The following DLGAP2 variants were observed in gnomAD, a reference collection of about 807,000 sequenced individuals.
DLGAP2 encodes DLG associated protein 2, also known as disks large-associated protein 2.
Under a neutral mutation model 100.3 loss-of-function variants are expected in DLGAP2, and 26 were observed. The ratio of observed to expected loss-of-function variants is 0.26; its 90% CI spans 0.19 to 0.36. The LOEUF (loss-of-function observed/expected upper bound fraction) is 0.36, where lower values mean the gene tolerates loss of function less well. Among genes scored for constraint, DLGAP2 ranks in the 10% least tolerant of loss-of-function variants. The pLI is 1.00. For missense variants in DLGAP2, 1,858 were observed against 1,453.2 expected (o/e 1.28, Z -4.53); for synonymous variants, 886 against 630.1 (o/e 1.41, Z -6.08).
intron 3 of DLGAP2, among the ~76,000 whole-genome samples, chr8:1,440,138 A>T (rs186612896): frequency 9.2e-5 from 14 of 152,314 alleles, no homozygotes; most frequent in African/African-American, 3.1e-4. Flanking sequence ...CATTTTAAGA[A>T]GAAAAAAAGG....
In DLGAP2 at chr8:1,701,660, A is replaced by G; in HGVS notation, c.*254A>G. The G allele has an allele frequency of 1.9e-6, 1 of 525,100 alleles. No individual in the cohort carries two copies. The highest frequency in any genetic ancestry group is 3.3e-6 in the Non-Finnish European group (1 of 301,222). The allele number at this position is 525,100 out of a possible 1,614,324, so 32.5% of individuals were successfully genotyped here. ...TGGCTCACACTTGGCTCTGAGGGAC[A>G]GGTGTGGCGAGACCTGATTTCTCCT... On this transcript the variant is annotated 3_prime_UTR_variant, in exon 15 of 15. Transcript: ENST00000637795.
At chr8:1,473,693 T>C (rs2108124) in intron 3 of DLGAP2, among the ~76,000 whole-genome samples, 81,655 of 151,548 alleles carry the variant, frequency 0.54, 22,147 homozygotes, top group African/African-American at 0.61. Flanking sequence ...TCCCATAATC[T>C]CCACTGTTGT....
At chr8:1,571,817 T>C (rs1802703616) in intron 6 of DLGAP2, among the ~76,000 whole-genome samples, 1 of 100,938 alleles carries the variant, frequency 9.9e-6, no homozygotes, top group Non-Finnish European at 1.9e-5. Flanking sequence ...TCTGATGAGA[T>C]GGAGAGGAGA....
intron 2 of DLGAP2, among the ~76,000 whole-genome samples, chr8:926,435 G>T (rs1798817636): frequency 6.6e-6 from 1 of 152,186 alleles, no homozygotes; most frequent in Non-Finnish European, 1.5e-5. Flanking sequence ...GGGTCTGTGT[G>T]TTTCCACTGC....
At chr8:1,656,587 G>C (rs1444694069) in intron 8 of DLGAP2, among the ~76,000 whole-genome samples, 1 of 152,192 alleles carries the variant, frequency 6.6e-6, no homozygotes, top group Non-Finnish European at 1.5e-5. Flanking sequence ...CTCAATTCCA[G>C]ATACATCTGA....
chr8:1,217,928 T>C (rs1416602732), intron 2 of DLGAP2, among the ~76,000 whole-genome samples: 1 of 152,180 alleles, frequency 6.6e-6, no homozygotes, highest in African/African-American at 2.4e-5. Context: ...TCCATGTCCT[T>C]TGCCCATTTT....
At chr8:1,234,227 G>T (rs933751699) in intron 2 of DLGAP2, among the ~76,000 whole-genome samples, 1 of 152,230 alleles carries the variant, frequency 6.6e-6, no homozygotes, top group African/African-American at 2.4e-5. Context: ...TCTGTAACCA[G>T]TGGCACAACC....
At chr8:977,769 T>TGGGGAGGGCG (rs1800206777) in intron 2 of DLGAP2, among the ~76,000 whole-genome samples, 1 of 100,426 alleles carries the variant, frequency 1.0e-5, no homozygotes, top group African/African-American at 3.5e-5. Context: ...GTCTTTGGTG[T>TGGGGAGGGCG]TGTGGGGAGG....
chr8:1,636,717 C>A (rs893575939), intron 8 of DLGAP2, among the ~76,000 whole-genome samples: 3 of 152,210 alleles, frequency 2.0e-5, no homozygotes, highest in African/African-American at 7.2e-5. Flanking sequence ...CTTGTTGCCT[C>A]AACCTTCTTC....
chr8:1,417,871 C>A (rs1796974826), intron 3 of DLGAP2, among the ~76,000 whole-genome samples: 1 of 152,134 alleles, frequency 6.6e-6, no homozygotes, highest in South Asian at 2.1e-4. Flanking sequence ...ATTCAGAGTT[C>A]ACAACACAAA....
intron 2 of DLGAP2, among the ~76,000 whole-genome samples, chr8:1,067,461 C>T (rs534980278): frequency 6.6e-6 from 1 of 152,270 alleles, no homozygotes; most frequent in Admixed American, 6.5e-5. Context: ...TGGGAGGGGG[C>T]CACGCTGAGG....
chr8:1,449,705 C>CT (rs1164805561), intron 3 of DLGAP2, among the ~76,000 whole-genome samples: 2 of 152,202 alleles, frequency 1.3e-5, no homozygotes, highest in African/African-American at 4.8e-5. Context: ...GTGCAGATGA[C>CT]ACCAGCTGCC....
intron 2 of DLGAP2, among the ~76,000 whole-genome samples, chr8:1,089,459 C>T (rs1804100045): frequency 6.6e-6 from 1 of 152,166 alleles, no homozygotes; most frequent in African/African-American, 2.4e-5. Flanking sequence ...CCTGAATGGG[C>T]CCAGAGTCAG....
At chr8:1,442,419 C>A (rs1277956508) in intron 3 of DLGAP2, among the ~76,000 whole-genome samples, 6 of 139,982 alleles carry the variant, frequency 4.3e-5, no homozygotes, top group African/African-American at 1.4e-4. Flanking sequence ...CGCCAGGCTG[C>A]TGTGGGTTCA....
intron 3 of DLGAP2, among the ~76,000 whole-genome samples, chr8:1,408,794 G>A (rs760175506): frequency 2.0e-5 from 3 of 152,104 alleles, no homozygotes; most frequent in South Asian, 4.2e-4. Context: ...GAGACCCTTC[G>A]TCTGTCACTT....
At chr8:1,200,759 C>T (rs1266324935) in intron 2 of DLGAP2, among the ~76,000 whole-genome samples, 8 of 151,570 alleles carry the variant, frequency 5.3e-5, no homozygotes, top group Non-Finnish European at 1.0e-4. Flanking sequence ...GCTGTAATAA[C>T]ACGGGTTCCT....
chr8:1,277,750 A>T (rs1289681963), intron 3 of DLGAP2, among the ~76,000 whole-genome samples: 2 of 151,934 alleles, frequency 1.3e-5, no homozygotes, highest in East Asian at 3.9e-4. Context: ...GTCAGGGAGC[A>T]CCCCCACCCT....
chr8:1,683,770 T>C lies in DLGAP2; in HGVS notation c.2704+5141T>C, dbSNP rs545040724. ...CTCAGTTATGGAGGCTGGGAGTAGCTTCAACACTTCCCATTCTATAGACAT... is the reference window on the plus strand; with the variant it reads ...CTCAGTTATGGAGGCTGGGAGTAGCCTCAACACTTCCCATTCTATAGACAT... On this transcript the variant is annotated intron_variant, in intron 12 of 14. Transcript: ENST00000637795. Among the ~76,000 whole-genome samples the C allele has an allele frequency of 2.0e-4, 28 of 142,454 alleles. No homozygotes were observed. In the South Asian group the frequency reaches 5.7e-3, roughly 29 times the overall value. The allele number at this position is 142,454 out of a possible 152,430, so 93.5% of individuals were successfully genotyped here.
chr8:839,088 G>A (rs534333962), intron 1 of DLGAP2, among the ~76,000 whole-genome samples: 2 of 152,322 alleles, frequency 1.3e-5, no homozygotes, highest in Non-Finnish European at 2.9e-5. Context: ...AAGAAAACAA[G>A]TGTTGGTGAG....
Sources: allele counts gnomAD v4.1 joint callset (sites outside exome capture counted in the v4.1 genomes callset), GRCh38; gene constraint gnomAD v4.1.1; transcripts MANE v1.5; gene names NCBI Gene and HGNC (gene_info 2026-07-23, HGNC 2026-07-21).